The following COL19A1 variants were observed in gnomAD, a reference collection of about 807,000 sequenced individuals.
COL19A1 encodes the protein collagen alpha-1(XIX) chain.
A neutral mutation model predicts 190.2 loss-of-function variants in COL19A1; 159 were observed. That is an observed-to-expected ratio of 0.84 (90% CI 0.73 to 0.95). The LOEUF is 0.95. COL19A1 is among the 40% of genes least tolerant of loss of function. The pLI is 0.00. For synonymous variants in COL19A1, 509 were observed against 458.9 expected (o/e 1.11, Z -1.39); for missense variants, 1,418 against 1,431.9 (o/e 0.99, Z 0.16).
intron 20 of COL19A1, among the ~76,000 whole-genome samples, chr6:70,141,484 A>G (rs568621726): frequency 6.6e-6 from 1 of 152,202 alleles, no homozygotes; most frequent in East Asian, 1.9e-4. Flanking sequence ...CTAACCATTA[A>G]GCACATATAA....
intron 16 of COL19A1, among the ~76,000 whole-genome samples, chr6:70,113,039 C>T (rs755540376): frequency 2.1e-4 from 32 of 152,168 alleles, no homozygotes; most frequent in Non-Finnish European, 4.1e-4. Context: ...GTTAATCGCA[C>T]TGCCTCTGAA....
chr6:69,989,199 C>T (rs1290953724), intron 11 of COL19A1, among the ~76,000 whole-genome samples: 2 of 152,104 alleles, frequency 1.3e-5, no homozygotes, highest in East Asian at 1.9e-4. Context: ...CTCCATTACT[C>T]TCCAAAAAGT....
At chr6:70,150,211 T>A (rs1786963362) in intron 30 of COL19A1, among the ~76,000 whole-genome samples, 166 bp downstream of exon 30, 1 of 152,164 alleles carries the variant, frequency 6.6e-6, no homozygotes, top group African/African-American at 2.4e-5. Context: ...TCAGGCTGGA[T>A]CAGCATTTCT....
chr6:70,122,785 G>A (rs1020115763), intron 17 of COL19A1, among the ~76,000 whole-genome samples: 1 of 152,106 alleles, frequency 6.6e-6, no homozygotes, highest in African/African-American at 2.4e-5. Flanking sequence ...CCAAAGAGAA[G>A]TGTCAAAAAA....
chr6:70,031,764 T>G (rs965341493), intron 12 of COL19A1, among the ~76,000 whole-genome samples: 3 of 152,158 alleles, frequency 2.0e-5, no homozygotes, highest in Admixed American at 6.6e-5. Flanking sequence ...AAACAACAAA[T>G]GTCACCACCA....
At chr6:69,923,438 G>A (rs1772132237) in intron 4 of COL19A1, among the ~76,000 whole-genome samples, 2 of 152,112 alleles carry the variant, frequency 1.3e-5, no homozygotes, top group African/African-American at 4.8e-5. Flanking sequence ...TTTCCTGCCT[G>A]GTAGTTCCCT....
intron 9 of COL19A1, among the ~76,000 whole-genome samples, chr6:69,957,069 A>G (rs1280628677): frequency 6.6e-6 from 1 of 152,066 alleles, no homozygotes; most frequent in Non-Finnish European, 1.5e-5. Flanking sequence ...TCTCATTTAT[A>G]CTGGGTTTGC....
intron 15 of COL19A1, among the ~76,000 whole-genome samples, chr6:70,081,229 C>T (rs1782228308): frequency 6.6e-6 from 1 of 152,098 alleles, no homozygotes; most frequent in African/African-American, 2.4e-5. Context: ...ATTCTTAAGA[C>T]TTATAATATT....
At chr6:70,122,520 G>A (rs1043023559) in intron 17 of COL19A1, among the ~76,000 whole-genome samples, 1 of 152,098 alleles carries the variant, frequency 6.6e-6, no homozygotes, top group African/African-American at 2.4e-5. Flanking sequence ...ATAATAGAGT[G>A]GCAGCCAAGA....
chr6:70,107,753 C>G (rs1163515114), intron 16 of COL19A1, among the ~76,000 whole-genome samples: 2 of 152,138 alleles, frequency 1.3e-5, no homozygotes, highest in Non-Finnish European at 2.9e-5. Context: ...AAAAGTTATT[C>G]CCAATTAGGT....
At chr6:70,206,801 T>A in intron 49 of COL19A1, 100 bp from the exon 50 acceptor site, 2 of 950,024 alleles carry the variant, frequency 2.1e-6, no homozygotes, top group Non-Finnish European at 1.6e-6. Flanking sequence ...TAAGCAAATG[T>A]ATCACATAAT....
At chr6:70,016,645 T>C (rs1475665027) in intron 11 of COL19A1, among the ~76,000 whole-genome samples, 2 of 151,984 alleles carry the variant, frequency 1.3e-5, no homozygotes, top group Non-Finnish European at 2.9e-5. Flanking sequence ...ATCTGATAAA[T>C]GACTTGTATC....
rs1161825792 is a variant in COL19A1, at chr6:69,921,397, T to TATATATC, written c.267-6508_267-6507insATCATAT. On this transcript the variant is annotated intron_variant, in intron 4 of 50. Transcript: ENST00000620364. ...TATATCATATATATCATATATATCA[T>TATATATC]ATATCATATATATCATATATCATAT... is the stretch of plus-strand genomic sequence containing the variant. 3.0e-4 allele frequency among the ~76,000 whole-genome samples: 34 copies of TATATATC among 112,642 alleles called. 1 individual carries two copies. The highest frequency in any genetic ancestry group is 1.4e-3 in the African/African-American group (31 of 22,730). 73.9% of individuals were successfully genotyped at this position (112,642 alleles called of 152,430 possible).
At chr6:69,934,685 A>T (rs1377489732) in intron 7 of COL19A1, among the ~76,000 whole-genome samples, 2 of 151,994 alleles carry the variant, frequency 1.3e-5, no homozygotes, top group African/African-American at 4.8e-5. Flanking sequence ...AATAGAACAC[A>T]AGGTAGGAAT....
intron 11 of COL19A1, among the ~76,000 whole-genome samples, chr6:70,008,972 C>T (rs773015553): frequency 6.6e-6 from 1 of 151,954 alleles, no homozygotes; most frequent in Non-Finnish European, 1.5e-5. Flanking sequence ...ATTCAATACC[C>T]ATTCAACAAA....
chr6:70,065,915 T>C (rs1781163814), intron 14 of COL19A1, among the ~76,000 whole-genome samples: 4 of 152,154 alleles, frequency 2.6e-5, no homozygotes, highest in South Asian at 2.1e-4. Flanking sequence ...TGAGATATTA[T>C]CTCACACCAG....
intron 16 of COL19A1, among the ~76,000 whole-genome samples, chr6:70,114,517 T>C (rs1784457419): frequency 6.6e-6 from 1 of 152,232 alleles, no homozygotes; most frequent in Admixed American, 6.5e-5. Flanking sequence ...CTCACACAGT[T>C]GTCACTTTCA....
chr6:69,903,324 T>C (rs1002549527), intron 4 of COL19A1, among the ~76,000 whole-genome samples: 3 of 152,190 alleles, frequency 2.0e-5, no homozygotes, highest in Non-Finnish European at 4.4e-5. Context: ...CTCCATGGCC[T>C]TATCTTGCAT....
chr6:69,964,264 C>T (rs965066673), intron 11 of COL19A1, among the ~76,000 whole-genome samples: 1 of 152,040 alleles, frequency 6.6e-6, no homozygotes, highest in Non-Finnish European at 1.5e-5. Flanking sequence ...AAAGAATGGC[C>T]TTATAATAAC....
Sources: gnomAD v4.1 joint callset for allele counts (sites outside exome capture counted in the v4.1 genomes callset) on GRCh38, gnomAD v4.1.1 for gene constraint, MANE v1.5 for transcripts, NCBI Gene and HGNC (gene_info 2026-07-23, HGNC 2026-07-21) for gene names.